The following BLTP3B variants were observed in gnomAD, a reference collection of about 807,000 sequenced individuals.
BLTP3B encodes bridge-like lipid transfer protein family member 3B.
At chr12:100,099,002 T>TTATTA in the BLTP3B span, among the ~76,000 whole-genome samples, 5,558 of 129,114 alleles carry the variant, frequency 0.043, 131 homozygotes, top group Non-Finnish European at 0.058. Context: ...TTTTATTATT[T>TTATTA]TTTTTTTCCC....
At chr12:100,133,158 C>T in the BLTP3B span, among the ~76,000 whole-genome samples, 1 of 152,070 alleles carries the variant, frequency 6.6e-6, no homozygotes, top group African/African-American at 2.4e-5. Flanking sequence ...AGGAGAATGG[C>T]ATGAACCCGG....
At chr12:100,126,814 A>C in the BLTP3B span, among the ~76,000 whole-genome samples, 1 of 152,244 alleles carries the variant, frequency 6.6e-6, no homozygotes, top group Non-Finnish European at 1.5e-5. Flanking sequence ...TCTGGTGATG[A>C]GAGATATTCA....
At chr12:100,095,944 C>A in the BLTP3B span, 3 of 1,058,822 alleles carry the variant, frequency 2.8e-6, no homozygotes, top group Admixed American at 3.3e-5. Context: ...AATATGGATT[C>A]TTCCTTCACA....
chr12:100,117,466 TTTTA>T, the BLTP3B span, among the ~76,000 whole-genome samples: 1 of 152,096 alleles, frequency 6.6e-6, no homozygotes, highest in Admixed American at 6.5e-5. Context: ...CTGCAGAACT[TTTTA>T]TTTATTTATT....
the BLTP3B span, among the ~76,000 whole-genome samples, chr12:100,044,886 G>T: frequency 4.6e-5 from 7 of 152,136 alleles, no homozygotes; most frequent in African/African-American, 1.7e-4. Context: ...AAGCTGATAA[G>T]CAACTTCAGC....
the BLTP3B span, among the ~76,000 whole-genome samples, chr12:100,124,936 T>TATATA: frequency 2.1e-4 from 12 of 56,534 alleles, no homozygotes; most frequent in South Asian, 7.1e-4. Context: ...AAAAAAAATT[T>TATATA]TATATATATA....
chr12:100,066,892 T>C, the BLTP3B span, among the ~76,000 whole-genome samples: 7 of 151,774 alleles, frequency 4.6e-5, no homozygotes, highest in African/African-American at 1.5e-4. Context: ...ATACATTCTA[T>C]TCAACAGAGC....
the BLTP3B span, among the ~76,000 whole-genome samples, chr12:100,118,426 A>C: frequency 6.6e-6 from 1 of 152,060 alleles, no homozygotes; most frequent in Non-Finnish European, 1.5e-5. Flanking sequence ...AAAAACTCTC[A>C]AGGTCTTCAA....
chr12:100,104,649 A>G, the BLTP3B span, among the ~76,000 whole-genome samples: 1 of 152,066 alleles, frequency 6.6e-6, no homozygotes, highest in Admixed American at 6.6e-5. Context: ...CAAATACAAA[A>G]GTTCGGCCAT....
the BLTP3B span, among the ~76,000 whole-genome samples, chr12:100,104,259 C>A: frequency 4.4e-4 from 64 of 143,934 alleles, no homozygotes; most frequent in South Asian, 2.6e-3. Context: ...GACTGGAGTG[C>A]AGTGGCACGA....
the BLTP3B span, among the ~76,000 whole-genome samples, chr12:100,080,232 T>C: frequency 6.6e-6 from 1 of 152,170 alleles, no homozygotes; most frequent in Non-Finnish European, 1.5e-5. Flanking sequence ...CCTTGCACCA[T>C]GTGCCTGGAA....
At chr12:100,037,995 A>G in the BLTP3B span, among the ~76,000 whole-genome samples, 9 of 152,164 alleles carry the variant, frequency 5.9e-5, no homozygotes, top group Admixed American at 5.9e-4. Context: ...TCCTAGTCTA[A>G]TAGTGACTTC....
chr12:100,115,772 A>C, the BLTP3B span, among the ~76,000 whole-genome samples: 1 of 152,054 alleles, frequency 6.6e-6, no homozygotes, highest in Admixed American at 6.5e-5. Flanking sequence ...GGAAAAAAAA[A>C]CAAAAAAACA....
chr12:100,139,712 T>C, the BLTP3B span, among the ~76,000 whole-genome samples: 2 of 152,354 alleles, frequency 1.3e-5, no homozygotes, highest in Admixed American at 1.3e-4. Context: ...TCCACATTCA[T>C]GCAACAAATA....
At chr12:100,049,444 T>C in the BLTP3B span, among the ~76,000 whole-genome samples, 1 of 152,172 alleles carries the variant, frequency 6.6e-6, no homozygotes, top group Admixed American at 6.6e-5. Context: ...AATATATGCA[T>C]GTGTGTGAAA....
At chr12:100,104,204 C>CCT in the BLTP3B span, among the ~76,000 whole-genome samples, 2 of 131,654 alleles carry the variant, frequency 1.5e-5, no homozygotes, top group African/African-American at 5.6e-5. Flanking sequence ...TTCTTTTTTT[C>CCT]TTTTTTTTTT....
At chr12:100,142,771 C>T in the BLTP3B span, 2 of 1,352,506 alleles carry the variant, frequency 1.5e-6, no homozygotes, top group African/African-American at 1.5e-5. Flanking sequence ...AGACCCAAGG[C>T]CCCGGCCAAG....
At chr12:100,105,779 C>G in the BLTP3B span, among the ~76,000 whole-genome samples, 1 of 151,914 alleles carries the variant, frequency 6.6e-6, no homozygotes, top group Admixed American at 6.6e-5. Flanking sequence ...AACTATGCAT[C>G]TGACAAAGAA....
chr12:100,082,028 AAC>A, the BLTP3B span, among the ~76,000 whole-genome samples: 3 of 152,228 alleles, frequency 2.0e-5, no homozygotes, highest in Admixed American at 6.5e-5. Flanking sequence ...CATTCCCACC[AAC>A]AGTGTATAAG....
Sources: allele counts gnomAD v4.1 joint callset (sites outside exome capture counted in the v4.1 genomes callset), GRCh38; gene constraint gnomAD v4.1.1; transcripts MANE v1.5; gene names NCBI Gene and HGNC (gene_info 2026-07-23, HGNC 2026-07-21).